Variants in AMY2B observed in about 807,000 individuals in gnomAD.
The protein encoded by AMY2B is alpha-amylase 2B.
Under a neutral mutation model 59.3 loss-of-function variants are expected in AMY2B, and 63 were observed. The ratio of observed to expected loss-of-function variants is 1.06; its 90% CI spans 0.87 to 1.31. The LOEUF is 1.31. Ranked by LOEUF, AMY2B falls within the 50% of genes most tolerant of loss-of-function variation. The pLI, the probability that AMY2B is intolerant of heterozygous loss-of-function variation, is 0.00. For missense variants in AMY2B, 635 were observed against 626.7 expected (o/e 1.01, Z -0.14); for synonymous variants, 180 against 198.1 (o/e 0.91, Z 0.77).
intron 3 of AMY2B, 21 bp from the exon 4 acceptor site, chr1:103,573,687 A>G (rs1176386035): frequency 2.5e-6 from 4 of 1,613,464 alleles, no homozygotes; most frequent in Admixed American, 1.7e-5. Context: ...TGAATCAATC[A>G]TAACATTTTT....
intron 1 of AMY2B, among the ~76,000 whole-genome samples, chr1:103,559,407 C>A (rs192164092): frequency 1.8e-3 from 270 of 152,160 alleles, no homozygotes; most frequent in African/African-American, 6.1e-3. Flanking sequence ...GGCTTAATTA[C>A]CTAAGGGCTT....
chr1:103,567,252 G>C (rs908003571), upstream of AMY2B, among the ~76,000 whole-genome samples: 5 of 152,148 alleles, frequency 3.3e-5, 1 homozygote, highest in Middle Eastern at 6.8e-3. Flanking sequence ...AAAACCACTA[G>C]GAAATTCATG....
chr1:103,575,566 T>C (rs775708826), intron 7 of AMY2B, 26 bp downstream of exon 7: 4 of 1,610,752 alleles, frequency 2.5e-6, no homozygotes, highest in Admixed American at 3.4e-5. Flanking sequence ...GTTCAAACTA[T>C]CCTTTTCTCA....
chr1:103,573,979 C>T (rs760850737), intron 4 of AMY2B, 41 bp downstream of exon 4: 5 of 1,612,968 alleles, frequency 3.1e-6, no homozygotes, highest in Admixed American at 3.3e-5. Context: ...TCATCTTATT[C>T]ATTAGAAAAT....
chr1:103,573,492 A>T (rs1652218581), intron 3 of AMY2B, among the ~76,000 whole-genome samples: 1 of 152,144 alleles, frequency 6.6e-6, no homozygotes, highest in African/African-American at 2.4e-5. Context: ...AACCAATTAA[A>T]AAGCTCGTCG....
intron 5 of AMY2B, among the ~76,000 whole-genome samples, chr1:103,574,925 T>A (rs1652284933): frequency 6.6e-6 from 1 of 151,396 alleles, no homozygotes; most frequent in Non-Finnish European, 1.5e-5. Context: ...ATAACAAAAA[T>A]CTTATATTTG....
chr1:103,570,539 A>C (rs368294030), upstream of AMY2B: 11 of 607,916 alleles, frequency 1.8e-5, no homozygotes, highest in South Asian at 1.4e-4. Context: ...AGATGATCGC[A>C]TCCCCAGAGC....
At chr1:103,572,967 T>C (rs1325096916) in intron 2 of AMY2B, 96 bp from the exon 3 acceptor site, 7 of 1,598,340 alleles carry the variant, frequency 4.4e-6, no homozygotes, top group Non-Finnish European at 5.1e-6. Flanking sequence ...ATGAAATATT[T>C]TGGAGTTTTA....
Position 103,577,242 on chromosome 1 carries a change from T to A in AMY2B, c.1102-248T>A, listed in dbSNP as rs1209633355. ...GACAGAGCAAAGAAGCCTTTGCAGT[T>A]CCTTGGAATGAAAAGGAGAGGATAA... On this transcript the variant is annotated intron_variant, in intron 7 of 9. Coordinates refer to ENST00000684275, the MANE Select transcript of AMY2B (RefSeq NM_001387437.1). 7 of 748,222 alleles carry A rather than the reference T, an allele frequency of 9.4e-6. No homozygotes were observed. In the South Asian group the frequency reaches 1.3e-4, roughly 14 times the overall value. The allele number at this position is 748,222 out of a possible 1,614,324, so 46.3% of individuals were successfully genotyped here.
intron 9 of AMY2B, among the ~76,000 whole-genome samples, 198 bp from the exon 10 acceptor site, chr1:103,579,113 G>C (rs1393316064): frequency 1.3e-5 from 2 of 152,098 alleles, no homozygotes; most frequent in African/African-American, 4.8e-5. Flanking sequence ...TACGGACCAG[G>C]GAACTGCTAC....
intron 1 of AMY2B, chr1:103,562,220 A>T (rs1180847710): frequency 6.6e-5 from 10 of 152,180 alleles, no homozygotes; most frequent in Non-Finnish European, 1.5e-4. Context: ...TTGTTGACAA[A>T]TCATGTTTCA....
chr1:103,571,440 A>G (rs1212307210), upstream of AMY2B: 5 of 1,422,616 alleles, frequency 3.5e-6, no homozygotes, highest in Admixed American at 4.8e-5. Context: ...GAGACTTTTT[A>G]ATGTTCTTCT....
At chr1:103,571,371 G>T, upstream of AMY2B, 1 of 1,124,656 alleles carries the variant, frequency 8.9e-7, no homozygotes, top group Non-Finnish European at 1.2e-6. Context: ...AAAAATAAAA[G>T]TGCTGCCAGA....
chr1:103,567,383 A>T (rs1651944462), upstream of AMY2B, among the ~76,000 whole-genome samples: 2 of 152,268 alleles, frequency 1.3e-5, no homozygotes, highest in Middle Eastern at 3.4e-3. Context: ...AATAGTTAAG[A>T]TCCACAGCTC....
chr1:103,577,262 G>C, intron 7 of AMY2B: 1 of 888,684 alleles, frequency 1.1e-6, no homozygotes, highest in Non-Finnish European at 1.7e-6. Flanking sequence ...GAAAAGGAGA[G>C]GATAACAATT....
At chr1:103,565,856 C>T (rs1557767072) in intron 2 of AMY2B, among the ~76,000 whole-genome samples, 2 of 152,160 alleles carry the variant, frequency 1.3e-5, no homozygotes, top group Non-Finnish European at 2.9e-5. Context: ...ATTCAGATTT[C>T]TGTCACTGCT....
chr1:103,574,354 T>C lies in AMY2B; in HGVS notation c.839T>C (p.Val280Ala), dbSNP rs751964563. 3.1e-6 allele frequency: 5 copies of C among 1,611,672 alleles called. No homozygotes were observed. The Admixed American group carries it at 8.3e-5, about 27-fold the overall frequency. ...EFKYGAKLGT[V>A]IRKWNGEKMS... The stretch of plus-strand genomic sequence containing the variant: ...AAGTATGGTGCAAAACTCGGCACAG[T>C]TATTCGCAAGTGGAATGGAGAGAAG... The change falls in exon 5 of 10, where the codon GTT (valine) becomes GCT (alanine). Residue 280 changes from valine (V) to alanine (A), a missense_variant. Val to Ala is a moderately conservative substitution (Grantham distance 64, BLOSUM62 0). Coordinates refer to ENST00000684275, the MANE Select transcript of AMY2B (RefSeq NM_001387437.1).
At chr1:103,569,840 G>A, upstream of AMY2B, 1 of 459,684 alleles carries the variant, frequency 2.2e-6, no homozygotes. Context: ...ACTGCACATG[G>A]CCTTGGAGGA....
Position 103,577,500 on chromosome 1 carries a change from A to G in AMY2B, c.1112A>G (p.Asp371Gly). ...CACCCCCTAATTAAGGATGTTAATG[A>G]TTGGGTTGGGCCACCAAATAATAAT... ...RQFQNGNDVN[D>G]WVGPPNNNGV... The change falls in exon 8 of 10, where the codon GAT (aspartate) becomes GGT (glycine). Residue 371 changes from aspartate to glycine, a missense_variant. By Grantham distance (94) the Asp-to-Gly change is moderately conservative. Transcript: ENST00000684275. 1.9e-6 allele frequency: 3 copies of G among 1,611,930 alleles called. No individual in the cohort carries two copies. The highest frequency in any genetic ancestry group is 2.5e-6 in the Non-Finnish European group (3 of 1,179,796).
Sources: allele counts gnomAD v4.1 joint callset (sites outside exome capture counted in the v4.1 genomes callset), GRCh38; gene constraint gnomAD v4.1.1; transcripts MANE v1.5; gene names NCBI Gene and HGNC (gene_info 2026-07-23, HGNC 2026-07-21).